Variants in CTNNA3 observed in about 807,000 individuals in gnomAD.
CTNNA3 encodes the protein catenin alpha-3.
CTNNA3 carries 76 observed loss-of-function variants against 95.7 expected under a neutral mutation model. The observed-to-expected ratio is 0.79, with a 90% CI of 0.66 to 0.96. CTNNA3 has a LOEUF of 0.96. CTNNA3 is among the 40% of genes least tolerant of loss of function. The pLI is 0.00. For missense variants in CTNNA3, 1,191 were observed against 1,089.8 expected, an observed-to-expected ratio of 1.09 and a Z score of -1.31; for synonymous variants, 431 against 374.4, an observed-to-expected ratio of 1.15 and a Z score of -1.74.
intron 13 of CTNNA3, among the ~76,000 whole-genome samples, chr10:66,245,354 G>C (rs1010943871): frequency 2.0e-4 from 30 of 152,180 alleles, no homozygotes; most frequent in Admixed American, 1.8e-3. Flanking sequence ...GGAGCTCCCA[G>C]GTCTGGGATC....
At chr10:66,144,043 T>C (rs1281020832) in intron 13 of CTNNA3, among the ~76,000 whole-genome samples, 4 of 152,236 alleles carry the variant, frequency 2.6e-5, no homozygotes, top group Non-Finnish European at 5.9e-5. Context: ...TTCTATGCCC[T>C]GATAGAATTC....
chr10:66,989,075 A>T (rs551716226), intron 7 of CTNNA3, among the ~76,000 whole-genome samples: 39 of 151,018 alleles, frequency 2.6e-4, no homozygotes, highest in Non-Finnish European at 4.4e-4. Context: ...GTGTTTTTTT[A>T]TTTCCTGTAT....
intron 7 of CTNNA3, among the ~76,000 whole-genome samples, chr10:67,116,985 T>C (rs754191818): frequency 6.6e-6 from 1 of 151,698 alleles, no homozygotes; most frequent in African/African-American, 2.4e-5. Flanking sequence ...ATAAATTAGA[T>C]ATAGCTGATG....
chr10:66,595,802 A>C (rs190191418), intron 10 of CTNNA3, among the ~76,000 whole-genome samples: 4 of 151,400 alleles, frequency 2.6e-5, no homozygotes, highest in African/African-American at 4.9e-5. Flanking sequence ...GTACTTAGCT[A>C]ATTTATTTAT....
intron 1 of CTNNA3, among the ~76,000 whole-genome samples, chr10:67,680,615 C>A (rs73271924): frequency 6.6e-6 from 1 of 152,152 alleles, no homozygotes; most frequent in African/African-American, 2.4e-5. Flanking sequence ...TATGAACTAC[C>A]TAATGTCATT....
intron 5 of CTNNA3, among the ~76,000 whole-genome samples, chr10:67,459,739 C>G (rs1564664669): frequency 6.6e-6 from 1 of 152,114 alleles, no homozygotes; most frequent in East Asian, 1.9e-4. Context: ...TGACATATGC[C>G]TTAAAATTAT....
In CTNNA3 at chr10:66,315,038, A is replaced by G. The variant is rs570590758; in HGVS notation, c.1733-34417T>C. Among the ~76,000 whole-genome samples the G allele has an allele frequency of 3.0e-4, 46 of 152,192 alleles. 1 individual carries two copies. The highest frequency in any genetic ancestry group is 3.4e-3 in the Middle Eastern group (1 of 294). On this transcript the variant is annotated intron_variant, in intron 12 of 17. Transcript: ENST00000433211. ...TTTCATCTCCAAGAAGATATGGAAA[A>G]AACTGAAGGAGGCAAAGGTTACATT...
At chr10:66,508,210 G>GTTTTTTTTTTTTTTTTT (rs756807793) in intron 11 of CTNNA3, among the ~76,000 whole-genome samples, 13 of 108,412 alleles carry the variant, frequency 1.2e-4, no homozygotes, top group African/African-American at 3.9e-4. Context: ...TTTGTTTTCT[G>GTTTTTTTTTTTTTTTTT]TTTTTTTTTT....
chr10:66,910,831 C>A (rs1188689082), intron 7 of CTNNA3, among the ~76,000 whole-genome samples: 1 of 152,200 alleles, frequency 6.6e-6, no homozygotes, highest in African/African-American at 2.4e-5. Flanking sequence ...AAAATGACAA[C>A]CTTGTGCGTC....
intron 13 of CTNNA3, among the ~76,000 whole-genome samples, chr10:66,186,303 T>TGTGA (rs112758582): frequency 6.0e-5 from 9 of 149,378 alleles, no homozygotes; most frequent in Non-Finnish European, 4.5e-5. Flanking sequence ...TGTGTGTGTG[T>TGTGA]GAGAGATAGA....
At chr10:67,066,816 A>T (rs952945363) in intron 7 of CTNNA3, among the ~76,000 whole-genome samples, 16 of 152,214 alleles carry the variant, frequency 1.1e-4, no homozygotes, top group African/African-American at 3.6e-4. Context: ...CTTACCATCT[A>T]GCAGAAGGAA....
At chr10:67,735,127 GCACA>G (rs563123022) in intron 1 of CTNNA3, among the ~76,000 whole-genome samples, 13 of 108,404 alleles carry the variant, frequency 1.2e-4, no homozygotes, top group Middle Eastern at 4.3e-3. Flanking sequence ...CAGCAAGTGA[GCACA>G]CACACACACA....
rs185100029 is a variant in CTNNA3 at position 66,779,044 on chromosome 10, C to T, written c.1048-3520G>A. On this transcript the variant is annotated intron_variant, in intron 7 of 17. Transcript: ENST00000433211. The stretch of plus-strand genomic sequence containing the variant: ...GAAATAGACAACCAAAAAATCCCAA[C>T]CCTCAAAGTGCTTACTCCCTAGTGG... Among the ~76,000 whole-genome samples, 240 of 151,988 alleles carry T rather than the reference C, an allele frequency of 1.6e-3. 1 individual carries two copies. Among genetic ancestry groups the T allele is most frequent in the African/African-American group, 5.7e-3 (235 of 41,496 alleles).
chr10:65,995,318 C>T (rs2078633784), intron 15 of CTNNA3, among the ~76,000 whole-genome samples: 1 of 151,972 alleles, frequency 6.6e-6, no homozygotes, highest in South Asian at 2.1e-4. Context: ...AGGGGAAGGT[C>T]CTAAAGATCT....
chr10:67,022,351 G>C (rs1853074803), intron 7 of CTNNA3, among the ~76,000 whole-genome samples: 2 of 151,876 alleles, frequency 1.3e-5, no homozygotes, highest in African/African-American at 2.4e-5. Flanking sequence ...GTGTGTGTCT[G>C]TGTGTGTGTG....
chr10:67,547,039 C>T (rs942586445), intron 3 of CTNNA3, among the ~76,000 whole-genome samples: 26 of 152,070 alleles, frequency 1.7e-4, no homozygotes, highest in East Asian at 3.9e-4. Flanking sequence ...CACTAAAATA[C>T]GCAAAGCACT....
At chr10:66,672,746 T>A (rs781757307) in intron 9 of CTNNA3, among the ~76,000 whole-genome samples, 4 of 152,040 alleles carry the variant, frequency 2.6e-5, no homozygotes, top group Non-Finnish European at 5.9e-5. Flanking sequence ...CAACACCCAC[T>A]ATCTTAATAC....
At chr10:65,949,811 G>A (rs976667057) in intron 17 of CTNNA3, among the ~76,000 whole-genome samples, 6 of 152,064 alleles carry the variant, frequency 3.9e-5, no homozygotes, top group African/African-American at 1.2e-4. Context: ...CTGCTTGGCT[G>A]ACAACATTAT....
chr10:66,487,752 TAAAC>T (rs2131924167), intron 11 of CTNNA3, among the ~76,000 whole-genome samples: 1 of 152,318 alleles, frequency 6.6e-6, no homozygotes, highest in South Asian at 2.1e-4. Flanking sequence ...TGCCAACAGT[TAAAC>T]AACACAAACT....
Sources: gnomAD v4.1 joint callset for allele counts (sites outside exome capture counted in the v4.1 genomes callset) on GRCh38, gnomAD v4.1.1 for gene constraint, MANE v1.5 for transcripts, NCBI Gene and HGNC (gene_info 2026-07-23, HGNC 2026-07-21) for gene names.